The following CHAT variants were observed in gnomAD, a reference collection of about 807,000 sequenced individuals.
CHAT encodes acetyl CoA:choline O-acetyltransferase.
A neutral mutation model predicts 76.9 loss-of-function variants in CHAT; 61 were observed. That is an observed-to-expected ratio of 0.79 (90% confidence interval 0.65 to 0.98). The LOEUF (loss-of-function observed/expected upper bound fraction) is 0.98. Ranked by LOEUF, CHAT falls within the 50% of genes least tolerant of loss-of-function variation. The pLI, the probability that CHAT is intolerant of heterozygous loss-of-function variation, is 0.00. For missense variants in CHAT, 946 were observed against 986.9 expected (o/e 0.96, Z 0.56); for synonymous variants, 407 against 397.4 (o/e 1.02, Z -0.29).
chr10:49,618,836 G>A (rs1365074030), intron 2 of CHAT, among the ~76,000 whole-genome samples: 3 of 152,174 alleles, frequency 2.0e-5, no homozygotes, highest in Non-Finnish European at 2.9e-5. Flanking sequence ...ATAAGATAGC[G>A]AGGTCATAAC....
chr10:49,610,661 C>T, upstream of CHAT: 2 of 1,373,026 alleles, frequency 1.5e-6, no homozygotes, highest in Non-Finnish European at 1.9e-6. Context: ...CCCGAAGTCC[C>T]GTGCCCTCGC....
At chr10:49,610,463 C>T (rs980048673), upstream of CHAT, 19 of 380,176 alleles carry the variant, frequency 5.0e-5, no homozygotes, top group African/African-American at 3.8e-4. Flanking sequence ...CGCCCAGTCT[C>T]CGGCCCCGGC....
intron 7 of CHAT, among the ~76,000 whole-genome samples, chr10:49,639,880 C>T (rs1839422818): frequency 6.6e-6 from 1 of 151,998 alleles, no homozygotes. Flanking sequence ...GTGCCTTAGA[C>T]TCTGTTCCTT....
At chr10:49,627,128 C>G (rs951488640) in intron 6 of CHAT, among the ~76,000 whole-genome samples, 1 of 152,266 alleles carries the variant, frequency 6.6e-6, no homozygotes, top group South Asian at 2.1e-4. Context: ...CATTCCCCTT[C>G]TGGAGAACAG....
intron 1 of CHAT, chr10:49,615,629 T>G: frequency 5.2e-6 from 1 of 193,322 alleles, no homozygotes; most frequent in South Asian, 1.6e-4. Flanking sequence ...GTGGAAAACA[T>G]GAGTATGTGC....
chr10:49,610,725 G>C, upstream of CHAT: 1 of 1,487,416 alleles, frequency 6.7e-7, no homozygotes, highest in South Asian at 1.4e-5. Flanking sequence ...CCTCGGAAGA[G>C]CATCGGGGTG....
chr10:49,622,236 C>T (rs995311882), intron 5 of CHAT, 86 bp downstream of exon 5: 3 of 1,392,694 alleles, frequency 2.2e-6, no homozygotes, highest in Admixed American at 3.3e-5. Flanking sequence ...TTTTCCAGCT[C>T]TGTATTCCCA....
intron 13 of CHAT, among the ~76,000 whole-genome samples, chr10:49,657,984 T>C (rs1036038403): frequency 1.3e-5 from 2 of 152,270 alleles, no homozygotes; most frequent in Admixed American, 1.3e-4. Flanking sequence ...CAGTGCTTTA[T>C]TCTTAAATAC....
chr10:49,633,090 A>G (rs1181741811), intron 7 of CHAT, among the ~76,000 whole-genome samples: 2 of 152,236 alleles, frequency 1.3e-5, no homozygotes, highest in Non-Finnish European at 2.9e-5. Flanking sequence ...TCCACAGAGG[A>G]ACTTGAAGCT....
chr10:49,662,955 A>G (rs867428924), intron 14 of CHAT, among the ~76,000 whole-genome samples, 173 bp downstream of exon 14: 2 of 152,368 alleles, frequency 1.3e-5, no homozygotes, highest in African/African-American at 4.8e-5. Context: ...TTTACTGACC[A>G]GGCTTGGTGG....
intron 8 of CHAT, chr10:49,648,138 A>C: frequency 2.9e-6 from 1 of 342,102 alleles, no homozygotes; most frequent in East Asian, 7.1e-5. Context: ...GATTGGGAGG[A>C]GACCCCGATG....
intron 7 of CHAT, among the ~76,000 whole-genome samples, chr10:49,639,049 G>A (rs1419260763): frequency 6.6e-6 from 1 of 152,110 alleles, no homozygotes; most frequent in East Asian, 1.9e-4. Context: ...GCCTGGCCAA[G>A]TAGAGACAAA....
chr10:49,667,607 C>T lies in CHAT; in HGVS notation c.*2561C>T, dbSNP rs1350970836. Among the ~76,000 whole-genome samples, 1 of 152,112 alleles carries T rather than the reference C, an allele frequency of 6.6e-6. No individual in the cohort carries two copies. The highest frequency in any genetic ancestry group is 1.5e-5 in the Non-Finnish European group (1 of 68,016). Reference sequence around the variant, plus strand: ...TGAGCCATGGCCAAGGGCATCTCTGCGGGGACCCTGGGAAAGGAGCCTGCT... The same window carrying T: ...TGAGCCATGGCCAAGGGCATCTCTGTGGGGACCCTGGGAAAGGAGCCTGCT... On this transcript the variant is annotated 3_prime_UTR_variant, in exon 15 of 15. Coordinates refer to ENST00000337653, the MANE Select transcript of CHAT (RefSeq NM_020549.5).
chr10:49,637,229 T>C (rs1243533801), intron 7 of CHAT, among the ~76,000 whole-genome samples: 1 of 152,230 alleles, frequency 6.6e-6, no homozygotes, highest in East Asian at 1.9e-4. Context: ...AATTATTGAT[T>C]TGAGACTTTT....
intron 7 of CHAT, among the ~76,000 whole-genome samples, chr10:49,628,596 T>C (rs1291803860): frequency 1.3e-5 from 2 of 152,114 alleles, no homozygotes; most frequent in Non-Finnish European, 2.9e-5. Flanking sequence ...AGAGGGGGCA[T>C]GGGGAGGAGA....
intron 1 of CHAT, 81 bp downstream of exon 1, chr10:49,614,556 G>A: frequency 9.2e-7 from 1 of 1,082,354 alleles, no homozygotes; most frequent in Non-Finnish European, 1.3e-6. Flanking sequence ...TCCAGGGACA[G>A]CACCGGGGCC....
upstream of CHAT, chr10:49,611,472 C>G: frequency 6.3e-7 from 1 of 1,599,398 alleles, no homozygotes; most frequent in Non-Finnish European, 8.5e-7. Context: ...AGCGCGTGCC[C>G]TTCTTGGTGC....
At position 49,629,995 on chromosome 10, in the gene CHAT, C is replaced by A. The variant is rs139636456; in HGVS notation, c.1111+2210C>A. Among the ~76,000 whole-genome samples, 19 of 152,168 alleles carry A rather than the reference C, an allele frequency of 1.2e-4. 1 individual carries two copies. In the East Asian group the frequency reaches 3.7e-3, roughly 29 times the overall value. On this transcript the variant is annotated intron_variant, in intron 7 of 14. Transcript: ENST00000337653. ...CAATTCCTGGGCTTTTTATCCGAGC[C>A]GTGAGTGGATGTTAGTGCCATTTAG...
chr10:49,650,062 G>T (rs1178775448), intron 10 of CHAT, among the ~76,000 whole-genome samples: 3 of 152,204 alleles, frequency 2.0e-5, no homozygotes, highest in Admixed American at 1.3e-4. Flanking sequence ...GGAGGGGGCC[G>T]TTCAGGCCCT....
Sources: allele counts gnomAD v4.1 joint callset (sites outside exome capture counted in the v4.1 genomes callset), GRCh38; gene constraint gnomAD v4.1.1; transcripts MANE v1.5; gene names NCBI Gene and HGNC (gene_info 2026-07-23, HGNC 2026-07-21).